The following TSTD2 variants were observed in gnomAD, a reference collection of about 807,000 sequenced individuals.
The protein encoded by TSTD2 is thiosulfate sulfurtransferase like domain containing 2.
TSTD2 carries 37 observed loss-of-function variants against 47.9 expected under a neutral mutation model. That is an observed-to-expected ratio of 0.77 (90% CI 0.59 to 1.02). TSTD2 has a LOEUF of 1.02. Ranked by LOEUF, TSTD2 falls within the 50% of genes least tolerant of loss-of-function variation. The pLI is 0.00. For missense variants in TSTD2, 586 were observed against 616.0 expected, an observed-to-expected ratio of 0.95 and a Z score of 0.52; for synonymous variants, 201 against 215.9, an observed-to-expected ratio of 0.93 and a Z score of 0.61.
chr9:97,601,036 G>A lies in TSTD2; in HGVS notation c.*1433C>T, dbSNP rs756641195. 2.0e-4 allele frequency: 259 copies of A among 1,302,752 alleles called. No homozygotes were observed. Among genetic ancestry groups the A allele is most frequent in the Non-Finnish European group, 2.5e-4 (243 of 988,204 alleles). The allele number at this position is 1,302,752 out of a possible 1,614,324, so 80.7% of individuals were successfully genotyped here. On this transcript the variant is annotated 3_prime_UTR_variant, in exon 10 of 10. Transcript: ENST00000341170. ...TGGTGATGAAAAGGTGAAGGCCTGC[G>A]CACTGAACTGTAAGGCAGTGGGCAG...
intron 3 of TSTD2, among the ~76,000 whole-genome samples, chr9:97,623,335 T>G (rs546341712): frequency 1.3e-5 from 2 of 152,344 alleles, no homozygotes; most frequent in East Asian, 3.9e-4. Flanking sequence ...TCCCCTGCCA[T>G]GCGGAACTGT....
chr9:97,621,185 A>AG (rs1339156348), intron 3 of TSTD2, among the ~76,000 whole-genome samples: 1 of 152,168 alleles, frequency 6.6e-6, no homozygotes, highest in African/African-American at 2.4e-5. Flanking sequence ...CTTTACTGCA[A>AG]TCTCTAAACA....
chr9:97,618,599 A>C (rs1826581358), intron 3 of TSTD2, among the ~76,000 whole-genome samples: 1 of 152,242 alleles, frequency 6.6e-6, no homozygotes, highest in Non-Finnish European at 1.5e-5. Flanking sequence ...ATCACAGCCA[A>C]AGCCTCTTAA....
intron 6 of TSTD2, among the ~76,000 whole-genome samples, chr9:97,606,728 C>T (rs965946445): frequency 1.3e-5 from 2 of 152,112 alleles, no homozygotes; most frequent in African/African-American, 4.8e-5. Context: ...ATATTAAGGT[C>T]GAACCCACGT....
intron 1 of TSTD2, among the ~76,000 whole-genome samples, chr9:97,628,084 CA>C (rs1826751738): frequency 1.3e-5 from 2 of 152,210 alleles, no homozygotes; most frequent in South Asian, 2.1e-4. Flanking sequence ...AGGTACAACC[CA>C]AATCAATCAA....
intron 3 of TSTD2, among the ~76,000 whole-genome samples, chr9:97,624,327 G>GA (rs987756437): frequency 4.0e-5 from 6 of 151,656 alleles, no homozygotes; most frequent in Non-Finnish European, 2.9e-5. Flanking sequence ...CCTATGAAGA[G>GA]ACCCCCACAG....
intron 9 of TSTD2, among the ~76,000 whole-genome samples, chr9:97,603,702 C>T (rs1255424780): frequency 6.6e-6 from 1 of 152,088 alleles, no homozygotes; most frequent in Non-Finnish European, 1.5e-5. Context: ...AGATCCTGGC[C>T]TAGAAAAACT....
intron 4 of TSTD2, among the ~76,000 whole-genome samples, chr9:97,616,284 G>C (rs1826540077): frequency 6.6e-6 from 1 of 152,212 alleles, no homozygotes; most frequent in South Asian, 2.1e-4. Flanking sequence ...GAAAAGGTAA[G>C]AAGGGGCCAA....
chr9:97,605,284 G>A (rs369755514), intron 8 of TSTD2, among the ~76,000 whole-genome samples, 199 bp downstream of exon 8: 30 of 152,204 alleles, frequency 2.0e-4, no homozygotes, highest in Non-Finnish European at 4.3e-4. Context: ...TGACTGTTAA[G>A]TGTTTTTCAT....
At position 97,626,217 on chromosome 9, in the gene TSTD2, A is replaced by G. The variant is rs552109396; in HGVS notation, c.166-220T>C. Among the ~76,000 whole-genome samples the G allele has an allele frequency of 6.2e-5, 9 of 145,542 alleles. No homozygotes were observed. In the East Asian group the frequency reaches 7.9e-4, roughly 13 times the overall value. ...CTAGGCTTTATATTGAGGAGGTTAAATAACTCTCAGCATCATAATTTTATT... is the reference window on the plus strand; with the variant it reads ...CTAGGCTTTATATTGAGGAGGTTAAGTAACTCTCAGCATCATAATTTTATT... On this transcript the variant is annotated intron_variant, in intron 2 of 9. Coordinates refer to ENST00000341170, the MANE Select transcript of TSTD2 (RefSeq NM_139246.5).
At chr9:97,617,117 G>A (rs551033606) in intron 4 of TSTD2, among the ~76,000 whole-genome samples, 1 of 152,350 alleles carries the variant, frequency 6.6e-6, no homozygotes, top group African/African-American at 2.4e-5. Flanking sequence ...AAAGCAGAAA[G>A]GGATAGAATG....
intron 9 of TSTD2, chr9:97,603,092 T>G: frequency 3.9e-6 from 1 of 253,344 alleles, no homozygotes. Context: ...GCTGGCCAAC[T>G]ACCTCCCAAC....
chr9:97,633,360 G>C lies in TSTD2; in HGVS notation c.-168C>G, dbSNP rs1826879361. ...GCCGCGTATTTGGGTAGAAAAGCTCGCTCGTGACGTCACCAAGCTCCGGAA... is the reference window on the plus strand; with the variant it reads ...GCCGCGTATTTGGGTAGAAAAGCTCCCTCGTGACGTCACCAAGCTCCGGAA... On this transcript the variant is annotated 5_prime_UTR_variant, in exon 1 of 10. Coordinates refer to ENST00000341170, the MANE Select transcript of TSTD2 (RefSeq NM_139246.5). 1.1e-5 allele frequency: 4 copies of C among 378,276 alleles called. No individual in the cohort carries two copies. The South Asian group carries it at 3.8e-4, about 36-fold the overall frequency. 23.4% of individuals were successfully genotyped at this position (378,276 alleles called of 1,614,324 possible). A position where few individuals can be genotyped will look rare whatever the true frequency, so the allele number is the denominator to read the frequency against.
intron 3 of TSTD2, among the ~76,000 whole-genome samples, chr9:97,619,600 C>T (rs1826598903): frequency 6.6e-6 from 1 of 152,148 alleles, no homozygotes; most frequent in East Asian, 1.9e-4. Context: ...CTTGGCCCTC[C>T]ACAATGCTGG....
At chr9:97,615,290 A>G (rs185687138) in intron 4 of TSTD2, among the ~76,000 whole-genome samples, 241 of 152,344 alleles carry the variant, frequency 1.6e-3, no homozygotes, top group Admixed American at 3.7e-3. Flanking sequence ...TATGAGACAG[A>G]AGCATTACAT....
At position 97,602,337 on chromosome 9, in the gene TSTD2, G is replaced by A. The variant is rs1414173573; in HGVS notation, c.*132C>T. Reference sequence around the variant, plus strand: ...TCCCCTCCCGCTGTGAAGTGTAGACGGCTGCCACGGTGGCAGCGGCCAGAA... The same window carrying A: ...TCCCCTCCCGCTGTGAAGTGTAGACAGCTGCCACGGTGGCAGCGGCCAGAA... On this transcript the variant is annotated 3_prime_UTR_variant, in exon 10 of 10. Transcript: ENST00000341170. 21 of 1,063,576 alleles carry A rather than the reference G, an allele frequency of 2.0e-5. No individual in the cohort carries two copies. Among genetic ancestry groups the A allele is most frequent in the African/African-American group, 6.4e-5 (4 of 62,096 alleles). The allele number at this position is 1,063,576 out of a possible 1,614,324, so 65.9% of individuals were successfully genotyped here. A position where few individuals can be genotyped will look rare whatever the true frequency, so the allele number is the denominator to read the frequency against.
chr9:97,631,413 G>A (rs1826808100), intron 1 of TSTD2, among the ~76,000 whole-genome samples: 1 of 152,066 alleles, frequency 6.6e-6, no homozygotes, highest in South Asian at 2.1e-4. Context: ...GAGCCACCAT[G>A]CCTGGCCAGC....
chr9:97,613,977 C>T (rs540999362), intron 4 of TSTD2, among the ~76,000 whole-genome samples: 19 of 151,906 alleles, frequency 1.3e-4, no homozygotes, highest in South Asian at 6.3e-4. Context: ...TACAGGTGCC[C>T]GCCACCACGC....
intron 4 of TSTD2, among the ~76,000 whole-genome samples, chr9:97,613,217 A>C (rs1272519287): frequency 6.6e-6 from 1 of 152,210 alleles, no homozygotes; most frequent in Non-Finnish European, 1.5e-5. Flanking sequence ...CAAAATCCTA[A>C]AGCACAGAGT....
Sources: gnomAD v4.1 joint callset for allele counts (sites outside exome capture counted in the v4.1 genomes callset) on GRCh38, gnomAD v4.1.1 for gene constraint, MANE v1.5 for transcripts, NCBI Gene and HGNC (gene_info 2026-07-23, HGNC 2026-07-21) for gene names.